CIT: variants seen among roughly 807,000 people sequenced by gnomAD.
CIT encodes citron rho-interacting serine/threonine kinase.
Under a neutral mutation model 272.7 loss-of-function variants are expected in CIT, and 79 were observed. The observed-to-expected ratio is 0.29, with a 90% confidence interval of 0.24 to 0.35. The LOEUF is 0.35. Ranked by LOEUF, CIT falls within the 10% of genes least tolerant of loss-of-function variation. The pLI is 1.00. For synonymous variants in CIT, 948 were observed against 995.6 expected (o/e 0.95, Z 0.90); for missense variants, 1,909 against 2,618.3 (o/e 0.73, Z 5.91).
At chr12:119,813,630 T>C (rs1272803446) in intron 9 of CIT, among the ~76,000 whole-genome samples, 1 of 152,210 alleles carries the variant, frequency 6.6e-6, no homozygotes, top group African/African-American at 2.4e-5. Flanking sequence ...GGTTGAAGAC[T>C]CCAATTTATG....
intron 13 of CIT, among the ~76,000 whole-genome samples, chr12:119,780,014 G>A (rs1032099564): frequency 3.9e-5 from 6 of 152,212 alleles, no homozygotes; most frequent in Non-Finnish European, 2.9e-5. Flanking sequence ...TGTGAGTCAG[G>A]TCAGGATGGG....
rs143287655 is a variant in CIT at position 119,843,200 on chromosome 12, G to A, written c.516+6974C>T. ...AGTTCAGGATGTTAAGGTAGAAAGA[G>A]AGAAACAGTAAGTGGCTGGGGACAA... is the stretch of plus-strand genomic sequence containing the variant. On this transcript the variant is annotated intron_variant, in intron 5 of 47. Coordinates refer to ENST00000392521, the MANE Select transcript of CIT (RefSeq NM_001206999.2). 1.2e-3 allele frequency among the ~76,000 whole-genome samples: 190 copies of A among 152,316 alleles called. 1 individual carries two copies. Among genetic ancestry groups the A allele is most frequent in the African/African-American group, 4.4e-3 (181 of 41,552 alleles).
chr12:119,867,435 G>A (rs1031553228), intron 3 of CIT, among the ~76,000 whole-genome samples: 9 of 152,102 alleles, frequency 5.9e-5, no homozygotes, highest in Admixed American at 2.0e-4. Flanking sequence ...GTGATCCGCC[G>A]CCTCAGCCTC....
At chr12:119,749,358 C>G (rs1214444321) in intron 23 of CIT, among the ~76,000 whole-genome samples, 1 of 152,230 alleles carries the variant, frequency 6.6e-6, no homozygotes, top group Non-Finnish European at 1.5e-5. Context: ...TGTGCAGGGT[C>G]TCCACTCAGG....
At chr12:119,859,415 G>C (rs1950266908) in intron 3 of CIT, among the ~76,000 whole-genome samples, 1 of 152,174 alleles carries the variant, frequency 6.6e-6, no homozygotes, top group Admixed American at 6.5e-5. Flanking sequence ...CACACAATGA[G>C]ACAGACTCGG....
chr12:119,865,381 A>C (rs1166293615), intron 3 of CIT, among the ~76,000 whole-genome samples: 3 of 152,242 alleles, frequency 2.0e-5, no homozygotes, highest in African/African-American at 7.2e-5. Flanking sequence ...AAAAGAAGGC[A>C]CGAGCTTATT....
At chr12:119,823,518 A>ATGAG (rs1410284627) in intron 8 of CIT, among the ~76,000 whole-genome samples, 1 of 152,200 alleles carries the variant, frequency 6.6e-6, no homozygotes, top group East Asian at 1.9e-4. Context: ...GAATGATTGA[A>ATGAG]TGAGTGAGTG....
intron 32 of CIT, among the ~76,000 whole-genome samples, chr12:119,717,836 TTC>T (rs1472250305): frequency 3.1e-5 from 4 of 128,200 alleles, no homozygotes; most frequent in African/African-American, 1.2e-4. Context: ...ACTGACTTCT[TTC>T]TTTTTTTTTT....
intron 16 of CIT, among the ~76,000 whole-genome samples, chr12:119,773,894 G>A (rs1963465538): frequency 6.6e-6 from 1 of 152,176 alleles, no homozygotes; most frequent in African/African-American, 2.4e-5. Context: ...TCATTAGAGA[G>A]CTCAAGAATA....
At chr12:119,796,118 A>G (rs1965711399) in intron 10 of CIT, among the ~76,000 whole-genome samples, 1 of 152,246 alleles carries the variant, frequency 6.6e-6, no homozygotes, top group African/African-American at 2.4e-5. Context: ...ATGAGGAGAC[A>G]CAAATGAGCC....
chr12:119,864,869 TG>T (rs112909397), intron 3 of CIT, among the ~76,000 whole-genome samples: 7,046 of 152,182 alleles, frequency 0.046, 297 homozygotes, highest in African/African-American at 0.11. Context: ...TTCCCTCCCT[TG>T]GCCCAAGGCT....
At position 119,768,570 on chromosome 12, in the gene CIT, T is replaced by G. The variant is rs75833672; in HGVS notation, c.2209-1388A>C. Among the ~76,000 whole-genome samples the G allele has an allele frequency of 4.9e-4, 75 of 152,342 alleles. No homozygotes were observed. The highest frequency in any genetic ancestry group is 1.8e-3 in the African/African-American group (74 of 41,578). ...ATGTTAGTGATTAAGCTTTTGATAT[T>G]CTAAAGTCTCCAAGCATTGGCTTTG... On this transcript the variant is annotated intron_variant, in intron 18 of 47. Transcript: ENST00000392521. The surrounding 1 kb of genome is among the most constrained non-coding windows in gnomAD (Gnocchi z 4.3).
intron 44 of CIT, among the ~76,000 whole-genome samples, chr12:119,698,498 G>A (rs1475374572): frequency 2.0e-5 from 3 of 151,866 alleles, no homozygotes; most frequent in African/African-American, 4.8e-5. Context: ...GCTGAGGCGG[G>A]AGAATCACTT....
At chr12:119,798,941 C>T (rs1348447055) in intron 10 of CIT, among the ~76,000 whole-genome samples, 1 of 152,258 alleles carries the variant, frequency 6.6e-6, no homozygotes, top group Non-Finnish European at 1.5e-5. Context: ...GTTGTTTCAA[C>T]ATAACCTGTT....
chr12:119,692,885 T>C (rs1009293473), intron 46 of CIT, among the ~76,000 whole-genome samples: 17 of 152,218 alleles, frequency 1.1e-4, no homozygotes, highest in African/African-American at 3.9e-4. Flanking sequence ...AGCAGTAAGA[T>C]TTAAGATAAC....
In CIT at chr12:119,784,903, A is replaced by G. The variant is rs1964634928; in HGVS notation, c.1401+57T>C. On this transcript the variant is annotated intron_variant, in intron 11 of 47. Transcript: ENST00000392521. This position sits in a 1 kb window ranked among gnomAD's most constrained non-coding sequence, Gnocchi z 4.7. ...AGCGGCCCCGGGCGGATCCCTTGGC[A>G]TATACGGACGGGAGGATCCTGGAGC... is the stretch of plus-strand genomic sequence containing the variant. The G allele has an allele frequency of 1.9e-6, 3 of 1,600,020 alleles. No homozygotes were observed. Among genetic ancestry groups the G allele is most frequent in the Middle Eastern group, 1.8e-4 (1 of 5,566 alleles).
At chr12:119,742,621 C>T (rs1008084793) in intron 23 of CIT, 157 bp from the exon 24 acceptor site, 1 of 556,838 alleles carries the variant, frequency 1.8e-6, no homozygotes, top group East Asian at 2.9e-5. Context: ...TCATCCCCAA[C>T]ACCAGAAATA....
At chr12:119,870,291 C>T (rs1411084629) in intron 2 of CIT, among the ~76,000 whole-genome samples, 1 of 152,164 alleles carries the variant, frequency 6.6e-6, no homozygotes, top group African/African-American at 2.4e-5. Context: ...TGGCTCACAT[C>T]TGTAATCCCA....
intron 19 of CIT, among the ~76,000 whole-genome samples, chr12:119,765,387 A>T (rs1962314485): frequency 1.4e-5 from 2 of 145,546 alleles, no homozygotes; most frequent in South Asian, 4.2e-4. Flanking sequence ...TATAATATAT[A>T]TTATAATATA....
Sources: allele counts gnomAD v4.1 joint callset (sites outside exome capture counted in the v4.1 genomes callset), GRCh38; gene constraint gnomAD v4.1.1; non-coding constraint Gnocchi (gnomAD v3.1); transcripts MANE v1.5; gene names NCBI Gene and HGNC (gene_info 2026-07-23, HGNC 2026-07-21).